PLEKHG7: variants seen among roughly 807,000 people sequenced by gnomAD.
The protein encoded by PLEKHG7 is pleckstrin homology and RhoGEF domain containing G7.
Under a neutral mutation model 85.2 loss-of-function variants are expected in PLEKHG7, and 77 were observed. The observed-to-expected ratio is 0.90, with a 90% CI of 0.75 to 1.09. The LOEUF (loss-of-function observed/expected upper bound fraction) is 1.09, where lower values mean the gene tolerates loss of function less well. Ranked by LOEUF, PLEKHG7 falls within the 50% of genes least tolerant of loss-of-function variation. PLEKHG7 has a pLI of 0.00. For synonymous variants in PLEKHG7, 301 were observed against 302.4 expected (o/e 1.00, Z 0.05); for missense variants, 777 against 804.3 (o/e 0.97, Z 0.41).
At chr12:92,757,841 A>G (rs886485840) in intron 13 of PLEKHG7, among the ~76,000 whole-genome samples, 2 of 152,228 alleles carry the variant, frequency 1.3e-5, no homozygotes, top group African/African-American at 2.4e-5. Flanking sequence ...TTGAGCTCTC[A>G]GACAGGGAAG....
intron 10 of PLEKHG7, among the ~76,000 whole-genome samples, chr12:92,749,074 A>G (rs919123217): frequency 6.6e-6 from 1 of 152,140 alleles, no homozygotes; most frequent in Non-Finnish European, 1.5e-5. Context: ...CCAATGTTGA[A>G]TCTCCTACAA....
chr12:92,747,172 C>CA (rs990385522), intron 10 of PLEKHG7, among the ~76,000 whole-genome samples: 6 of 148,950 alleles, frequency 4.0e-5, no homozygotes, highest in African/African-American at 1.5e-4. Context: ...ACTTGAAGAT[C>CA]AAAAAAATAA....
chr12:92,707,092 A>AG lies in PLEKHG7; in HGVS notation c.461_462insG (p.Gly155ArgfsTer13). The AG allele has an allele frequency of 6.2e-7, 1 of 1,614,070 alleles. No homozygotes were observed. Among genetic ancestry groups the AG allele is most frequent in the South Asian group, 1.1e-5 (1 of 91,084 alleles). Reference sequence around the variant, plus strand: ...CACCAGGCCTCTCTTCGGCAGCAAGAAGGCCACTTCCTGCCCAGCCCCACC... The same window carrying AG: ...CACCAGGCCTCTCTTCGGCAGCAAGAGAGGCCACTTCCTGCCCAGCCCCACC... On this transcript the variant is annotated frameshift_variant, in exon 2 of 17. Transcript: ENST00000344636. LOFTEE classifies it high-confidence loss of function.
At position 92,720,024 on chromosome 12, in the gene PLEKHG7, T is replaced by G. The variant is rs79737211; in HGVS notation, c.531-8969T>G. ...CACAGTTGGGAATCTGGGTCCTAAG[T>G]TGGGTGCCCTTGCCACTCAATAGGA... On this transcript the variant is annotated intron_variant, in intron 3 of 16. Transcript: ENST00000344636. 7.9e-5 allele frequency among the ~76,000 whole-genome samples: 12 copies of G among 152,314 alleles called. No individual in the cohort carries two copies. The South Asian group carries it at 2.3e-3, about 29-fold the overall frequency.
At chr12:92,742,467 G>A (rs868470169) in intron 9 of PLEKHG7, among the ~76,000 whole-genome samples, 2 of 152,138 alleles carry the variant, frequency 1.3e-5, no homozygotes, top group South Asian at 2.1e-4. Context: ...GGGATATGAT[G>A]CTTGAGAAGA....
In PLEKHG7 at chr12:92,737,398, C is replaced by G. The variant is rs1872189137; in HGVS notation, c.816C>G (p.Val272=). 6.5e-7 allele frequency: 1 copy of G among 1,538,170 alleles called. No homozygotes were observed. Among genetic ancestry groups the G allele is most frequent in the Non-Finnish European group, 8.7e-7 (1 of 1,152,216 alleles). The stretch of plus-strand genomic sequence containing the variant: ...TACAGGATAAGACCTGGGATGAAGT[C>G]TTGGAAACACATCACAAACTCCCGA... ...YGLKDKTWDE[V]LETHHKLPTD... is the part of the protein sequence containing the mutation. Residue 272 remains valine, a synonymous_variant, in exon 7 of 17, where the codon GTC becomes GTG. Transcript: ENST00000344636.
intron 14 of PLEKHG7, among the ~76,000 whole-genome samples, chr12:92,763,481 A>G (rs1021451621): frequency 1.4e-4 from 21 of 152,154 alleles, no homozygotes; most frequent in African/African-American, 4.3e-4. Context: ...AGTTATGGAC[A>G]TCAACCATTA....
intron 15 of PLEKHG7, among the ~76,000 whole-genome samples, chr12:92,764,714 A>G (rs967066772): frequency 6.6e-6 from 1 of 152,120 alleles, no homozygotes; most frequent in African/African-American, 2.4e-5. Context: ...TCAGAAATAT[A>G]TATCATTTTT....
rs759994307 is a variant in PLEKHG7, at chr12:92,741,515, C to T, written c.1060C>T (p.Leu354Phe). ...GACAAGCCTTGGTTTTGTGAACAGT[C>T]TCTTTGGCATCATCAAGGACTATGT... is the stretch of plus-strand genomic sequence containing the variant. ...TQTSLGFVNS[L>F]FGIIKDYVDA... is the part of the protein sequence containing the mutation. The change falls in exon 9 of 17, where the codon CTC (leucine) becomes TTC (phenylalanine). Residue 354 changes from leucine (L) to phenylalanine (F), a missense_variant. Leu to Phe is a conservative substitution (Grantham distance 22, BLOSUM62 0). This residue lies in a region of PLEKHG7 where 520 missense variants were observed against 544.0 expected (regional missense o/e 0.96). Transcript: ENST00000344636. 4 of 1,612,382 alleles carry T rather than the reference C, an allele frequency of 2.5e-6. No homozygotes were observed. The East Asian group carries it at 8.9e-5, about 36-fold the overall frequency.
intron 3 of PLEKHG7, among the ~76,000 whole-genome samples, chr12:92,723,840 G>C (rs1278172134): frequency 6.6e-6 from 1 of 152,074 alleles, no homozygotes; most frequent in Non-Finnish European, 1.5e-5. Flanking sequence ...CCCAACAGTA[G>C]TTACACGCTC....
At chr12:92,715,034 AGAT>A (rs1254822402) in intron 3 of PLEKHG7, among the ~76,000 whole-genome samples, 4 of 151,490 alleles carry the variant, frequency 2.6e-5, no homozygotes, top group African/African-American at 9.7e-5. Context: ...ATAGATAGAT[AGAT>A]AGATAGATAG....
At chr12:92,730,950 G>A (rs1001623811) in intron 4 of PLEKHG7, among the ~76,000 whole-genome samples, 3 of 152,128 alleles carry the variant, frequency 2.0e-5, no homozygotes, top group African/African-American at 7.2e-5. Context: ...CCCAAGTCAC[G>A]GTCTAAAGCA....
rs780773054 is a variant in PLEKHG7 at position 92,741,580 on chromosome 12, C to T, written c.1125C>T (p.Ser375=). The T allele has an allele frequency of 9.3e-6, 15 of 1,612,142 alleles. No individual in the cohort carries two copies. Among genetic ancestry groups the T allele is most frequent in the South Asian group, 7.7e-5 (7 of 90,918 alleles). ...TTTCCTCATCACTGGATTTTATTTC[C>T]GTGCTCACAAAGGTAAACTCCTTCT... ...SEISSSLDFI[S]VLTKYFRGSL... The change falls in exon 9 of 17, where the codon TCC becomes TCT. Residue 375 remains serine, a synonymous_variant. Coordinates refer to ENST00000344636, the MANE Select transcript of PLEKHG7 (RefSeq NM_001377329.1).
intron 14 of PLEKHG7, among the ~76,000 whole-genome samples, chr12:92,762,951 G>A (rs781252934): frequency 2.0e-5 from 3 of 152,112 alleles, no homozygotes; most frequent in Non-Finnish European, 4.4e-5. Flanking sequence ...TTCGGAATTT[G>A]TATGACCTCC....
At chr12:92,764,316 A>G (rs2136633071) in intron 15 of PLEKHG7, 122 bp downstream of exon 15, 2 of 985,154 alleles carry the variant, frequency 2.0e-6, no homozygotes, top group Admixed American at 2.5e-5. Flanking sequence ...CTGTGTTCCT[A>G]TGTGTCTACA....
chr12:92,737,588 C>T, intron 7 of PLEKHG7, 67 bp downstream of exon 7: 1 of 1,430,164 alleles, frequency 7.0e-7, no homozygotes, highest in Non-Finnish European at 9.6e-7. Context: ...CACTTGTTTT[C>T]CTCTTCTGAA....
At chr12:92,761,655 A>AAAGAAAGAAAG (rs1873026106) in intron 13 of PLEKHG7, 97 bp from the exon 14 acceptor site, 12 of 1,214,820 alleles carry the variant, frequency 9.9e-6, no homozygotes, top group African/African-American at 8.5e-5. Flanking sequence ...AGAAAGAAAG[A>AAAGAAAGAAAG]AAGAAAGAAA....
chr12:92,736,828 A>G (rs1226620367), intron 6 of PLEKHG7, among the ~76,000 whole-genome samples: 1 of 152,122 alleles, frequency 6.6e-6, no homozygotes, highest in Non-Finnish European at 1.5e-5. Flanking sequence ...AGCCTCTACA[A>G]ATGTTAAAAG....
intron 4 of PLEKHG7, among the ~76,000 whole-genome samples, chr12:92,731,057 G>T (rs1399591116): frequency 6.6e-6 from 1 of 152,196 alleles, no homozygotes; most frequent in South Asian, 2.1e-4. Flanking sequence ...GGCAGATAAT[G>T]AAAGATTGTG....
Sources: allele counts gnomAD v4.1 joint callset (sites outside exome capture counted in the v4.1 genomes callset), GRCh38; gene constraint gnomAD v4.1.1; regional missense constraint gnomAD v4.1.1; transcripts MANE v1.5; gene names NCBI Gene and HGNC (gene_info 2026-07-23, HGNC 2026-07-21).